ADCY1: variants seen among roughly 807,000 people sequenced by gnomAD.
The protein encoded by ADCY1 is adenylate cyclase type 1.
A neutral mutation model predicts 105.4 loss-of-function variants in ADCY1; 28 were observed. The ratio of observed to expected loss-of-function variants is 0.27; its 90% confidence interval spans 0.20 to 0.36. The LOEUF (loss-of-function observed/expected upper bound fraction) is 0.36. Among genes scored for constraint, ADCY1 ranks in the 10% least tolerant of loss-of-function variants. The pLI is 1.00. For missense variants in ADCY1, 977 were observed against 1,434.2 expected, an observed-to-expected ratio of 0.68 and a Z score of 5.15; for synonymous variants, 655 against 623.8, an observed-to-expected ratio of 1.05 and a Z score of -0.75.
At chr7:45,684,817 A>G in intron 11 of ADCY1, 162 bp from the exon 12 acceptor site, 1 of 561,254 alleles carries the variant, frequency 1.8e-6, no homozygotes, top group Non-Finnish European at 3.1e-6. Flanking sequence ...GGGAGAATAA[A>G]CAAATGAAAA....
At chr7:45,625,637 G>A (rs1281209580) in intron 4 of ADCY1, among the ~76,000 whole-genome samples, 2 of 152,146 alleles carry the variant, frequency 1.3e-5, no homozygotes, top group Admixed American at 6.5e-5. Flanking sequence ...GTACATGTGT[G>A]TAGGTGAGCA....
chr7:45,646,946 G>A (rs1366684563), intron 4 of ADCY1, among the ~76,000 whole-genome samples: 2 of 152,222 alleles, frequency 1.3e-5, no homozygotes, highest in Non-Finnish European at 2.9e-5. Flanking sequence ...TACAAGGCTG[G>A]CCTCAGTGTC....
At position 45,703,595 on chromosome 7, in the gene ADCY1, TC is replaced by T; in HGVS notation, c.2572-3del. On this transcript the variant is annotated splice_polypyrimidine_tract_variant and splice_region_variant and intron_variant, in intron 15 of 19. Coordinates refer to ENST00000297323, the MANE Select transcript of ADCY1 (RefSeq NM_021116.4). The surrounding 1 kb of genome is among the most constrained non-coding windows in gnomAD (Gnocchi z 5.9). ...CCCTTCCTGACCCATCCTTTGAACT[TC>T]CAGGACCTCTACTACCAGTCCTACT... 6.2e-7 allele frequency: 1 copy of T among 1,611,526 alleles called. No individual in the cohort carries two copies. Among genetic ancestry groups the T allele is most frequent in the Non-Finnish European group, 8.5e-7 (1 of 1,178,488 alleles).
intron 1 of ADCY1, among the ~76,000 whole-genome samples, chr7:45,585,813 T>C (rs1792706831): frequency 6.6e-6 from 1 of 152,092 alleles, no homozygotes; most frequent in Admixed American, 6.5e-5. Context: ...AAATGGGCAG[T>C]GCCTGAGAGC....
At chr7:45,679,644 C>T (rs1034281461) in intron 10 of ADCY1, 65 bp from the exon 11 acceptor site, 76 of 1,544,596 alleles carry the variant, frequency 4.9e-5, no homozygotes, top group Admixed American at 8.4e-5. Context: ...AATTCTCAGC[C>T]ATCTCTTGGG....
rs770269830 is a variant in ADCY1, at chr7:45,610,358, G to A, written c.790-21G>A. The A allele has an allele frequency of 4.7e-5, 76 of 1,607,060 alleles. No homozygotes were observed. In the Middle Eastern group the frequency reaches 1.3e-3, roughly 28 times the overall value. On this transcript the variant is annotated intron_variant, in intron 2 of 19. Coordinates refer to ENST00000297323, the MANE Select transcript of ADCY1 (RefSeq NM_021116.4). The stretch of plus-strand genomic sequence containing the variant: ...GGGAGGGGGCCCTGCTGTCTAACCC[G>A]GGCCCTTCTCTTCTGTCCAGGAGCG...
rs1469292336 is a variant in ADCY1 at position 45,619,783 on chromosome 7, A to G, written c.909-2849A>G. On this transcript the variant is annotated intron_variant, in intron 3 of 19. Transcript: ENST00000297323. The stretch of plus-strand genomic sequence containing the variant: ...GAATACAAAATTTTAGTTAGGCAGC[A>G]TGAATAAGTTCTGGAGATCTAACAT... Among the ~76,000 whole-genome samples, 5 of 152,214 alleles carry G rather than the reference A, an allele frequency of 3.3e-5. No individual in the cohort carries two copies. In the East Asian group the frequency reaches 5.8e-4, roughly 18 times the overall value.
intron 2 of ADCY1, among the ~76,000 whole-genome samples, chr7:45,597,966 A>G (rs756290025): frequency 6.6e-6 from 1 of 152,206 alleles, no homozygotes; most frequent in South Asian, 2.1e-4. Flanking sequence ...CTCTCAACAC[A>G]GCAAAACAAA....
intron 14 of ADCY1, among the ~76,000 whole-genome samples, chr7:45,700,514 G>A (rs1278867287): frequency 1.3e-5 from 2 of 152,208 alleles, no homozygotes; most frequent in East Asian, 3.9e-4. Flanking sequence ...GGTGTTTGTG[G>A]ACCCTGGGAT....
In ADCY1 at chr7:45,722,095, C is replaced by G. The variant is rs1458938319; in HGVS notation, c.*8100C>G. ...CACCTCCCACCAGCAACCCCCCACC[C>G]AACTCTGGGCCCCAGGCACACGAAG... On this transcript the variant is annotated 3_prime_UTR_variant, in exon 20 of 20. Coordinates refer to ENST00000297323, the MANE Select transcript of ADCY1 (RefSeq NM_021116.4). The G allele has an allele frequency of 1.4e-5, 5 of 345,716 alleles. No homozygotes were observed. In the Middle Eastern group the frequency reaches 2.2e-3, roughly 151 times the overall value. 21.4% of individuals were successfully genotyped at this position (345,716 alleles called of 1,614,324 possible).
rs1792299613 is a variant in ADCY1, at chr7:45,575,239, T to C, written c.639+57T>C. On this transcript the variant is annotated intron_variant, in intron 1 of 19. Transcript: ENST00000297323. This position sits in a 1 kb window ranked among gnomAD's most constrained non-coding sequence, Gnocchi z 4.7. Reference sequence around the variant, plus strand: ...TCGGACACACTTGCTGGGACGATGCTGGGAATGCCCGGAGTCGGGCGCGCT... The same window carrying C: ...TCGGACACACTTGCTGGGACGATGCCGGGAATGCCCGGAGTCGGGCGCGCT... 1 of 1,515,112 alleles carries C rather than the reference T, an allele frequency of 6.6e-7. No individual in the cohort carries two copies. Among genetic ancestry groups the C allele is most frequent in the Non-Finnish European group, 8.8e-7 (1 of 1,138,230 alleles). 93.9% of individuals were successfully genotyped at this position (1,515,112 alleles called of 1,614,324 possible).
intron 5 of ADCY1, among the ~76,000 whole-genome samples, chr7:45,653,795 C>G (rs1381416308): frequency 2.0e-5 from 3 of 152,144 alleles, no homozygotes; most frequent in Admixed American, 2.0e-4. Flanking sequence ...CCCAGAGTTG[C>G]CCTGAGTATT....
intron 2 of ADCY1, among the ~76,000 whole-genome samples, chr7:45,604,896 T>C (rs1055595137): frequency 6.6e-6 from 1 of 152,216 alleles, no homozygotes; most frequent in Admixed American, 6.5e-5. Flanking sequence ...ATATTAAAAC[T>C]GTATATCAAT....
At chr7:45,600,765 G>T (rs1793207975) in intron 2 of ADCY1, among the ~76,000 whole-genome samples, 1 of 152,180 alleles carries the variant, frequency 6.6e-6, no homozygotes, top group South Asian at 2.1e-4. Context: ...CTTACCGATG[G>T]CCATCTTCTC....
At chr7:45,669,351 A>G (rs1784322224) in intron 8 of ADCY1, among the ~76,000 whole-genome samples, 1 of 152,220 alleles carries the variant, frequency 6.6e-6, no homozygotes, top group South Asian at 2.1e-4. Flanking sequence ...GTTGGTTTCA[A>G]AGAACATCTT....
chr7:45,641,137 C>T (rs1398520924), intron 4 of ADCY1, among the ~76,000 whole-genome samples: 1 of 152,192 alleles, frequency 6.6e-6, no homozygotes, highest in Non-Finnish European at 1.5e-5. Context: ...GTTCATGGAG[C>T]TGTGTATTCA....
intron 14 of ADCY1, among the ~76,000 whole-genome samples, chr7:45,701,159 C>T (rs1246539132): frequency 1.3e-5 from 2 of 152,176 alleles, no homozygotes; most frequent in African/African-American, 4.8e-5. Flanking sequence ...ATAGAGTTTC[C>T]TGGTGGGAAA....
At chr7:45,613,356 G>C (rs1233069319) in intron 3 of ADCY1, among the ~76,000 whole-genome samples, 3 of 152,106 alleles carry the variant, frequency 2.0e-5, no homozygotes, top group Non-Finnish European at 2.9e-5. Flanking sequence ...CAGTGAACTG[G>C]AAGACAAGTC....
chr7:45,702,228 T>C (rs1249156989), intron 14 of ADCY1, among the ~76,000 whole-genome samples: 1 of 152,222 alleles, frequency 6.6e-6, no homozygotes, highest in African/African-American at 2.4e-5. Flanking sequence ...CTGTGCTCTT[T>C]AGGCTTAACT....
Sources: gnomAD v4.1 joint callset for allele counts (sites outside exome capture counted in the v4.1 genomes callset) on GRCh38, gnomAD v4.1.1 for gene constraint, Gnocchi (gnomAD v3.1) non-coding constraint, MANE v1.5 for transcripts, NCBI Gene and HGNC (gene_info 2026-07-23, HGNC 2026-07-21) for gene names.